The following ASS1 variants were observed in gnomAD, a reference collection of about 807,000 sequenced individuals.
ASS1 encodes the protein argininosuccinate synthase.
Under a neutral mutation model 60.5 loss-of-function variants are expected in ASS1, and 58 were observed. That is an observed-to-expected ratio of 0.96 (90% CI 0.78 to 1.19). The LOEUF is 1.19. ASS1 is among the 50% of genes most tolerant of loss of function. The pLI is 0.00. For synonymous variants in ASS1, 200 were observed against 206.9 expected (o/e 0.97, Z 0.29); for missense variants, 454 against 547.3 (o/e 0.83, Z 1.70).
At chr9:130,474,363 C>T (rs958865780) in intron 8 of ASS1, among the ~76,000 whole-genome samples, 1 of 152,210 alleles carries the variant, frequency 6.6e-6, no homozygotes. Flanking sequence ...TCCAAATGCA[C>T]ACACTGTCAG....
chr9:130,465,034 T>TTATA (rs200387339), intron 5 of ASS1, among the ~76,000 whole-genome samples: 25 of 139,246 alleles, frequency 1.8e-4, no homozygotes, highest in East Asian at 4.1e-4. Context: ...TACATATGTT[T>TTATA]TATATATATA....
intron 4 of ASS1, among the ~76,000 whole-genome samples, chr9:130,462,314 C>T (rs1343503060): frequency 3.9e-5 from 6 of 152,178 alleles, no homozygotes; most frequent in South Asian, 2.1e-4. Context: ...TGTTTACACA[C>T]GTGTGCACAA....
At chr9:130,486,355 T>A (rs1389649907) in intron 11 of ASS1, among the ~76,000 whole-genome samples, 2 of 152,140 alleles carry the variant, frequency 1.3e-5, no homozygotes, top group Admixed American at 6.5e-5. Context: ...CCTCCCAAAG[T>A]TCTGGGATTA....
Position 130,477,032 on chromosome 9 carries a change from T to TAGGTTCCCAGGCAGGGA in ASS1, c.688+71_688+72insAGGTTCCCAGGCAGGGA. The TAGGTTCCCAGGCAGGGA allele has an allele frequency of 6.7e-7, 1 of 1,500,236 alleles. No individual in the cohort carries two copies. The highest frequency in any genetic ancestry group is 9.3e-7 in the Non-Finnish European group (1 of 1,078,544). The allele number at this position is 1,500,236 out of a possible 1,614,324, so 92.9% of individuals were successfully genotyped here. A position where few individuals can be genotyped will look rare whatever the true frequency, so the allele number is the denominator to read the frequency against. ...CCCTGGCTCCTTTCCCCTCCCTGCCTGGGAACCTAGGCCCTCTTTACCCCC... is the reference window on the plus strand; with the variant it reads ...CCCTGGCTCCTTTCCCCTCCCTGCCTAGGTTCCCAGGCAGGGAGGGAACCTAGGCCCTCTTTACCCCC... On this transcript the variant is annotated intron_variant, in intron 9 of 14. Coordinates refer to ENST00000352480, the MANE Select transcript of ASS1 (RefSeq NM_054012.4). This position sits in a 1 kb window ranked among gnomAD's most constrained non-coding sequence, Gnocchi z 4.2.
intron 11 of ASS1, among the ~76,000 whole-genome samples, chr9:130,487,844 A>T (rs1029776302): frequency 1.1e-4 from 17 of 151,462 alleles, no homozygotes; most frequent in African/African-American, 2.9e-4. Context: ...TCTGCCTCCC[A>T]GGCTCCAGTG....
At position 130,480,390 on chromosome 9, in the gene ASS1, A is replaced by G. The variant is rs1193243645; in HGVS notation, c.779A>G (p.Lys260Arg). The change falls in exon 11 of 15, where the codon AAG becomes AGG. Residue 260 changes from lysine to arginine, a missense_variant. Physicochemically the swap from Lys to Arg is conservative, Grantham distance 26. Coordinates refer to ENST00000352480, the MANE Select transcript of ASS1 (RefSeq NM_054012.4). ...TGGACCAGTTCTTCCCACAGGGGCA[A>G]GCATGGCGTGGGCCGTATTGACATC... ...LFMYLNEVAGKHGVGRIDIVE... is the reference protein window; with the variant it reads ...LFMYLNEVAGRHGVGRIDIVE... 3.7e-6 allele frequency: 6 copies of G among 1,614,236 alleles called. No homozygotes were observed. In the Admixed American group the frequency reaches 5.0e-5, roughly 13 times the overall value.
chr9:130,491,132 T>C lies in ASS1; in HGVS notation c.970+1668T>C, dbSNP rs1846438640. Among the ~76,000 whole-genome samples, 1 of 152,220 alleles carries C rather than the reference T, an allele frequency of 6.6e-6. No individual in the cohort carries two copies. Among genetic ancestry groups the C allele is most frequent in the Non-Finnish European group, 1.5e-5 (1 of 68,042 alleles). On this transcript the variant is annotated intron_variant, in intron 12 of 14. Transcript: ENST00000352480. This position sits in a 1 kb window ranked among gnomAD's most constrained non-coding sequence, Gnocchi z 5.3. ...GCTCGATGGTTATTGGCTGGCGTTA[T>C]TTCTCCCTGCCATTGTTCCTTGCAG...
chr9:130,471,368 C>T, intron 7 of ASS1, 117 bp from the exon 8 acceptor site: 1 of 1,322,684 alleles, frequency 7.6e-7, no homozygotes, highest in Non-Finnish European at 1.1e-6. Flanking sequence ...AGCAGATGCT[C>T]TGGCAGAGAG....
chr9:130,465,398 C>G (rs949297057), intron 5 of ASS1, among the ~76,000 whole-genome samples: 16 of 152,170 alleles, frequency 1.1e-4, no homozygotes, highest in African/African-American at 3.9e-4. Flanking sequence ...CCGATATATC[C>G]AAAATATTAT....
At chr9:130,454,929 CCATT>C (rs1268861126) in intron 3 of ASS1, among the ~76,000 whole-genome samples, 13 of 151,602 alleles carry the variant, frequency 8.6e-5, no homozygotes, top group Middle Eastern at 3.4e-3. Context: ...ATCCATCCAT[CCATT>C]CATCCATCCA....
Position 130,470,836 on chromosome 9 carries a change from A to T in ASS1, c.498A>T (p.Gln166His). Residue 166 changes from glutamine (Q) to histidine (H), a missense_variant and splice_region_variant, in exon 7 of 15, where the codon CAA becomes CAT. Gln to His is a conservative substitution (Grantham distance 24). Transcript: ENST00000352480. The surrounding 1 kb of genome is among the most constrained non-coding windows in gnomAD (Gnocchi z 4.3). ...GRNDLMEYAK[Q>H]HGIPIPVTPK... is the part of the protein sequence containing the mutation. ...CCTGTGCTGTCTCTTTCCTGCAGCA[A>T]CACGGGATTCCCATCCCGGTCACTC... 1 of 1,614,048 alleles carries T rather than the reference A, an allele frequency of 6.2e-7. No homozygotes were observed. The highest frequency in any genetic ancestry group is 8.5e-7 in the Non-Finnish European group (1 of 1,179,972).
intron 11 of ASS1, among the ~76,000 whole-genome samples, chr9:130,483,572 G>A (rs796278302): frequency 4.0e-5 from 6 of 151,364 alleles, no homozygotes; most frequent in South Asian, 2.1e-4. Context: ...GGAGAAGGGG[G>A]GCAAGGCAGG....
intron 13 of ASS1, 112 bp downstream of exon 13, chr9:130,495,135 G>C: frequency 7.1e-7 from 1 of 1,407,894 alleles, no homozygotes; most frequent in African/African-American, 1.4e-5. Flanking sequence ...GCAGAGCACA[G>C]AGTGATGGTC....
chr9:130,497,860 G>A (rs1323293767), intron 13 of ASS1, among the ~76,000 whole-genome samples: 2 of 152,228 alleles, frequency 1.3e-5, no homozygotes, highest in African/African-American at 4.8e-5. Flanking sequence ...ATCTGAGGAG[G>A]TTGGTGGTCT....
At chr9:130,445,098 C>G (rs1845163752) in intron 1 of ASS1, 103 bp downstream of exon 1, 2 of 964,950 alleles carry the variant, frequency 2.1e-6, no homozygotes, top group Non-Finnish European at 2.5e-6. Flanking sequence ...CCGGGGCCCG[C>G]GGAGGCAGAG....
At chr9:130,484,763 CT>C (rs1846262539) in intron 11 of ASS1, among the ~76,000 whole-genome samples, 1 of 151,710 alleles carries the variant, frequency 6.6e-6, no homozygotes, top group Admixed American at 6.6e-5. Flanking sequence ...TCTGTACCCC[CT>C]ACCCCTGTGG....
intron 5 of ASS1, among the ~76,000 whole-genome samples, chr9:130,464,530 G>T (rs559989770): frequency 6.6e-6 from 1 of 152,228 alleles, no homozygotes; most frequent in East Asian, 1.9e-4. Flanking sequence ...GGTGGGGATG[G>T]CTCTGAAACG....
rs1845833210 is a variant in ASS1, at chr9:130,470,152, C to T, written c.496-682C>T. 6.6e-6 allele frequency among the ~76,000 whole-genome samples: 1 copy of T among 152,182 alleles called. No homozygotes were observed. The highest frequency in any genetic ancestry group is 1.5e-5 in the Non-Finnish European group (1 of 68,020). On this transcript the variant is annotated intron_variant, in intron 6 of 14. Transcript: ENST00000352480. The surrounding 1 kb of genome is among the most constrained non-coding windows in gnomAD (Gnocchi z 4.3). ...TTAAGGCTGAGTCAGGTGGGCCTTC[C>T]ATGCGTGACCTGCAGCCCTCTTAGC...
intron 5 of ASS1, 108 bp downstream of exon 5, chr9:130,464,275 C>T (rs946741450): frequency 3.6e-6 from 5 of 1,396,446 alleles, no homozygotes; most frequent in Non-Finnish European, 5.0e-6. Flanking sequence ...ACAGAATCTC[C>T]TCCGTGGCAG....
Sources: allele counts gnomAD v4.1 joint callset (sites outside exome capture counted in the v4.1 genomes callset), GRCh38; gene constraint gnomAD v4.1.1; non-coding constraint Gnocchi (gnomAD v3.1); transcripts MANE v1.5; gene names NCBI Gene and HGNC (gene_info 2026-07-23, HGNC 2026-07-21).